The following COL22A1 variants were observed in gnomAD, a reference collection of about 807,000 sequenced individuals.
The protein encoded by COL22A1 is collagen alpha-1(XXII) chain.
Under a neutral mutation model 248.9 loss-of-function variants are expected in COL22A1, and 221 were observed. The observed-to-expected ratio is 0.89, with a 90% CI of 0.80 to 0.99. COL22A1 has a LOEUF of 0.99. COL22A1 is among the 50% of genes least tolerant of loss of function. The pLI is 0.00. For missense variants in COL22A1, 2,240 were observed against 2,179.0 expected (o/e 1.03, Z -0.56); for synonymous variants, 891 against 793.4 (o/e 1.12, Z -2.07).
chr8:138,755,454 A>G (rs779140432), intron 20 of COL22A1, 28 bp downstream of exon 20: 1 of 1,609,336 alleles, frequency 6.2e-7, no homozygotes, highest in Non-Finnish European at 8.5e-7. Context: ...CTAAATCCCC[A>G]TGAGAAGAAG....
intron 3 of COL22A1, among the ~76,000 whole-genome samples, chr8:138,867,464 C>T (rs1025485079): frequency 6.6e-6 from 1 of 152,142 alleles, no homozygotes; most frequent in African/African-American, 2.4e-5. Context: ...ACAAGAACCA[C>T]AGTAAAAACC....
At chr8:138,875,134 T>C (rs1287562603) in intron 3 of COL22A1, among the ~76,000 whole-genome samples, 1 of 152,064 alleles carries the variant, frequency 6.6e-6, no homozygotes, top group Non-Finnish European at 1.5e-5. Context: ...AATGAATGGG[T>C]CCAGGTTTCA....
chr8:138,700,145 C>T lies in COL22A1; in HGVS notation c.2560-1G>A. 1.9e-6 allele frequency: 3 copies of T among 1,613,436 alleles called. No homozygotes were observed. The highest frequency in any genetic ancestry group is 2.5e-6 in the Non-Finnish European group (3 of 1,179,842). On this transcript the variant is annotated splice_acceptor_variant, in intron 31 of 64. Coordinates refer to ENST00000303045, the MANE Select transcript of COL22A1 (RefSeq NM_152888.3). LOFTEE classifies it high-confidence loss of function. The stretch of plus-strand genomic sequence containing the variant: ...GTGGATGTGGTGTGAACAGGGATGT[C>T]TGAAAAGGAAACCACAGAGATTAGA...
At chr8:138,902,739 T>TACACACACACACAC (rs35023865) in intron 1 of COL22A1, among the ~76,000 whole-genome samples, 17 of 93,882 alleles carry the variant, frequency 1.8e-4, no homozygotes, top group African/African-American at 7.2e-4. Context: ...TATATATATA[T>TACACACACACACAC]ACACACACAC....
intron 47 of COL22A1, among the ~76,000 whole-genome samples, chr8:138,641,317 T>C (rs771408211): frequency 3.6e-4 from 55 of 152,188 alleles, no homozygotes; most frequent in Non-Finnish European, 6.5e-4. Flanking sequence ...GCTCATTGGG[T>C]GTCTCTGGAT....
intron 10 of COL22A1, among the ~76,000 whole-genome samples, chr8:138,804,317 G>T (rs1318879661): frequency 6.6e-6 from 1 of 152,162 alleles, no homozygotes; most frequent in Non-Finnish European, 1.5e-5. Context: ...ATAGGACCAC[G>T]ATTGCAAGTG....
intron 1 of COL22A1, among the ~76,000 whole-genome samples, chr8:138,893,201 G>C (rs1189625153): frequency 7.2e-5 from 11 of 152,220 alleles, no homozygotes; most frequent in Admixed American, 6.5e-4. Flanking sequence ...AACAAATACA[G>C]ACTGAGTACT....
At chr8:138,789,367 T>A (rs2131575590) in intron 12 of COL22A1, among the ~76,000 whole-genome samples, 1 of 152,290 alleles carries the variant, frequency 6.6e-6, no homozygotes, top group Middle Eastern at 3.4e-3. Flanking sequence ...TAGAAGGCAC[T>A]CAACCACAGT....
intron 21 of COL22A1, among the ~76,000 whole-genome samples, chr8:138,754,633 G>T (rs1832849392): frequency 1.3e-5 from 2 of 152,296 alleles, no homozygotes; most frequent in South Asian, 4.1e-4. Context: ...CACATCATAA[G>T]ATAATCACAA....
chr8:138,770,987 T>G (rs1301246734), intron 16 of COL22A1, among the ~76,000 whole-genome samples: 1 of 152,232 alleles, frequency 6.6e-6, no homozygotes, highest in Non-Finnish European at 1.5e-5. Context: ...CATATCCTTA[T>G]GAAGTAGATA....
chr8:138,833,142 G>C lies in COL22A1; in HGVS notation c.742C>G (p.Leu248Val). The C allele has an allele frequency of 6.2e-7, 1 of 1,609,440 alleles. No individual in the cohort carries two copies. The highest frequency in any genetic ancestry group is 8.5e-7 in the Non-Finnish European group (1 of 1,175,682). Reference protein sequence around the residue: ...GGTKEITGFDLMDLFSVKEIL... With the variant: ...GGTKEITGFDVMDLFSVKEIL... ...TCCTTCACACTGAACAAATCCATCA[G>C]GTCAAAACCTGTACAAAGAGAAGAG... The change falls in exon 5 of 65, where the codon CTG becomes GTG. Residue 248 changes from leucine to valine, a missense_variant. Physicochemically the swap from Leu to Val is conservative, Grantham distance 32 (BLOSUM62 1). Transcript: ENST00000303045.
intron 4 of COL22A1, among the ~76,000 whole-genome samples, chr8:138,835,949 T>C (rs910149010): frequency 6.6e-6 from 1 of 152,196 alleles, no homozygotes; most frequent in East Asian, 1.9e-4. Flanking sequence ...CTGGACCTCA[T>C]GTCTTCATCC....
chr8:138,670,904 T>C (rs1484391979), intron 41 of COL22A1, among the ~76,000 whole-genome samples: 1 of 130,932 alleles, frequency 7.6e-6, no homozygotes, highest in Non-Finnish European at 1.6e-5. Flanking sequence ...AAGGCTGCAG[T>C]GAGCCATGAT....
At chr8:138,671,295 T>C (rs1359508934) in intron 41 of COL22A1, among the ~76,000 whole-genome samples, 1 of 152,200 alleles carries the variant, frequency 6.6e-6, no homozygotes, top group Non-Finnish European at 1.5e-5. Flanking sequence ...AGTTACAATT[T>C]GTTAAAATGT....
intron 18 of COL22A1, among the ~76,000 whole-genome samples, chr8:138,756,289 G>A (rs1435165043): frequency 6.6e-6 from 1 of 152,178 alleles, no homozygotes; most frequent in Non-Finnish European, 1.5e-5. Flanking sequence ...TATCAAATAA[G>A]TAACTAAAAA....
chr8:138,816,848 A>G (rs80091000), intron 7 of COL22A1, among the ~76,000 whole-genome samples: 1,560 of 152,230 alleles, frequency 0.01, 20 homozygotes, highest in African/African-American at 0.035. Flanking sequence ...TCTCCTATAT[A>G]TTTTCTTGAT....
Position 138,862,372 on chromosome 8 carries a change from C to T in COL22A1, c.658+15378G>A, listed in dbSNP as rs554173302. On this transcript the variant is annotated intron_variant, in intron 3 of 64. Coordinates refer to ENST00000303045, the MANE Select transcript of COL22A1 (RefSeq NM_152888.3). The stretch of plus-strand genomic sequence containing the variant: ...TCCGTGCCCCACTCCAGTCCTCTAC[C>T]GCTTTTGTGTTTACTCCAGAAGCTG... Among the ~76,000 whole-genome samples, 32 of 152,270 alleles carry T rather than the reference C, an allele frequency of 2.1e-4. No individual in the cohort carries two copies. In the South Asian group the frequency reaches 5.4e-3, roughly 26 times the overall value.
intron 1 of COL22A1, among the ~76,000 whole-genome samples, chr8:138,893,165 G>C (rs1825182184): frequency 6.6e-6 from 1 of 152,172 alleles, no homozygotes. Context: ...CAACTCTGTG[G>C]AGCTTGGAGC....
Position 138,649,662 on chromosome 8 carries a change from T to A in COL22A1, c.3447+3A>T. On this transcript the variant is annotated splice_donor_region_variant and intron_variant, in intron 46 of 64. Transcript: ENST00000303045. ...AAAATCGAGTTTCCCCTTTTCTCCT[T>A]ACCTTTTTCCCTTCTGTGCCTTCTC... The A allele has an allele frequency of 6.2e-7, 1 of 1,611,904 alleles. No individual in the cohort carries two copies.
Sources: gnomAD v4.1 joint callset for allele counts (sites outside exome capture counted in the v4.1 genomes callset) on GRCh38, gnomAD v4.1.1 for gene constraint, MANE v1.5 for transcripts, NCBI Gene and HGNC (gene_info 2026-07-23, HGNC 2026-07-21) for gene names.